Variants in OR2L13 observed in about 807,000 individuals in gnomAD.
OR2L13 encodes the protein olfactory receptor 2L13.
Under a neutral mutation model 15.3 loss-of-function variants are expected in OR2L13, and 14 were observed. The ratio of observed to expected loss-of-function variants is 0.91; its 90% CI spans 0.60 to 1.43. The LOEUF (loss-of-function observed/expected upper bound fraction) is 1.43, where lower values mean the gene tolerates loss of function less well. Ranked by LOEUF, OR2L13 falls within the 40% of genes most tolerant of loss-of-function variation. OR2L13 has a pLI of 0.00. For missense variants in OR2L13, 367 were observed against 387.9 expected, an observed-to-expected ratio of 0.95 and a Z score of 0.45; for synonymous variants, 152 against 142.9, an observed-to-expected ratio of 1.06 and a Z score of -0.45.
the OR2L13 span, chr1:248,062,891 A>G: frequency 2.6e-4 from 39 of 152,212 alleles, no homozygotes. Context: ...ATTAAAATAA[A>G]AGAACCAGTT....
chr1:248,054,119 T>A, the OR2L13 span, among the ~76,000 whole-genome samples: 1 of 152,198 alleles, frequency 6.6e-6, no homozygotes, highest in East Asian at 1.9e-4. Context: ...TAATCCATCT[T>A]GAGTTAATTT....
At chr1:248,087,634 G>T in the OR2L13 span, 5 of 152,064 alleles carry the variant, frequency 3.3e-5, no homozygotes, top group African/African-American at 1.2e-4. Context: ...AATCCTCTGT[G>T]GTCACTGAAA....
chr1:248,023,094 T>C, the OR2L13 span: 6 of 462,834 alleles, frequency 1.3e-5, no homozygotes, highest in Non-Finnish European at 2.3e-5. Context: ...AAAAGACAGA[T>C]CATATATTTT....
At chr1:247,973,162 C>T in the OR2L13 span, among the ~76,000 whole-genome samples, 17 of 151,994 alleles carry the variant, frequency 1.1e-4, no homozygotes, top group African/African-American at 3.9e-4. Context: ...AAACACATAC[C>T]CAATGTCACA....
At chr1:248,005,756 C>T in the OR2L13 span, among the ~76,000 whole-genome samples, 9 of 152,098 alleles carry the variant, frequency 5.9e-5, no homozygotes, top group Non-Finnish European at 1.3e-4. Flanking sequence ...TCCATGTCTA[C>T]AGTTAACAGT....
At chr1:248,020,441 A>C in the OR2L13 span, among the ~76,000 whole-genome samples, 1 of 152,190 alleles carries the variant, frequency 6.6e-6, no homozygotes, top group East Asian at 1.9e-4. Context: ...AGCCAAGCAG[A>C]GATTCTAAGC....
the OR2L13 span, among the ~76,000 whole-genome samples, chr1:248,035,189 G>C: frequency 6.6e-6 from 1 of 151,880 alleles, no homozygotes; most frequent in East Asian, 1.9e-4. Flanking sequence ...GGTGGCTCAT[G>C]CCTGTAATCC....
chr1:247,966,397 T>C, the OR2L13 span: 2,090 of 1,489,140 alleles, frequency 1.4e-3, 25 homozygotes, highest in African/African-American at 0.023. Context: ...GATATAAATA[T>C]GTGTTTTCTG....
At chr1:247,939,539 T>C in the OR2L13 span, 1 of 152,212 alleles carries the variant, frequency 6.6e-6, no homozygotes, top group Non-Finnish European at 1.5e-5. Context: ...CTCAATCCTG[T>C]CGTCTACAGC....
chr1:247,961,584 A>C, the OR2L13 span, among the ~76,000 whole-genome samples: 1 of 152,178 alleles, frequency 6.6e-6, no homozygotes, highest in African/African-American at 2.4e-5. Context: ...ATAATATACA[A>C]GGAAATATCT....
the OR2L13 span, among the ~76,000 whole-genome samples, chr1:248,016,614 G>T: frequency 0.032 from 4,792 of 151,950 alleles, 230 homozygotes; most frequent in African/African-American, 0.11. Context: ...TATTTTTGTT[G>T]TGGGTAATTA....
the OR2L13 span, among the ~76,000 whole-genome samples, chr1:248,070,681 C>T: frequency 6.6e-6 from 1 of 152,030 alleles, no homozygotes; most frequent in African/African-American, 2.4e-5. Context: ...ATTAATGAAT[C>T]CAGGAGCTGG....
At chr1:248,050,464 T>C in the OR2L13 span, among the ~76,000 whole-genome samples, 1 of 152,076 alleles carries the variant, frequency 6.6e-6, no homozygotes, top group Non-Finnish European at 1.5e-5. Context: ...GAACCAGCCT[T>C]TAATTTTATT....
the OR2L13 span, among the ~76,000 whole-genome samples, chr1:247,986,353 A>G: frequency 1.3e-5 from 2 of 152,164 alleles, no homozygotes; most frequent in African/African-American, 4.8e-5. Context: ...TCCCCGCACC[A>G]TTTATTAAAT....
chr1:248,039,734 A>G, the OR2L13 span: 1 of 152,196 alleles, frequency 6.6e-6, no homozygotes, highest in East Asian at 1.9e-4. Flanking sequence ...TTTATCTCCC[A>G]TTATTATAAA....
chr1:247,981,876 T>C, the OR2L13 span, among the ~76,000 whole-genome samples: 4,782 of 151,072 alleles, frequency 0.032, 243 homozygotes, highest in African/African-American at 0.11. Flanking sequence ...AGTGCAGTGG[T>C]GTGATCTCAG....
the OR2L13 span, among the ~76,000 whole-genome samples, chr1:248,034,083 T>A: frequency 6.6e-6 from 1 of 152,124 alleles, no homozygotes; most frequent in Non-Finnish European, 1.5e-5. Flanking sequence ...AATAAACTGC[T>A]TAGGAATATA....
At chr1:247,977,870 T>C in the OR2L13 span, among the ~76,000 whole-genome samples, 3 of 152,160 alleles carry the variant, frequency 2.0e-5, no homozygotes, top group Non-Finnish European at 4.4e-5. Context: ...AGCATCTTCA[T>C]CTCGCTGTCT....
chr1:248,044,521 C>CAATTGTCTCCAGAA, the OR2L13 span, among the ~76,000 whole-genome samples: 1 of 133,780 alleles, frequency 7.5e-6, no homozygotes, highest in African/African-American at 3.8e-5. Flanking sequence ...ACGCCTTCCC[C>CAATTGTCTCCAGAA]GGCCGGGCGC....
Sources: allele counts gnomAD v4.1 joint callset (sites outside exome capture counted in the v4.1 genomes callset), GRCh38; gene constraint gnomAD v4.1.1; transcripts MANE v1.5; gene names NCBI Gene and HGNC (gene_info 2026-07-23, HGNC 2026-07-21).